CHTF8: variants seen among roughly 807,000 people sequenced by gnomAD.
CHTF8 encodes the protein chromosome transmission fidelity protein 8 homolog.
In CHTF8, 6 loss-of-function variants were observed where a neutral mutation model predicts 11.0. That is an observed-to-expected ratio of 0.55 (90% CI 0.30 to 1.08). CHTF8 has a LOEUF of 1.08. CHTF8 is among the 50% of genes least tolerant of loss of function. CHTF8 has a pLI of 0.07. For synonymous variants in CHTF8, 53 were observed against 60.5 expected (o/e 0.88, Z 0.57); for missense variants, 140 against 153.1 (o/e 0.91, Z 0.45).
intron 1 of CHTF8, chr16:69,131,222 G>A (rs752554661): frequency 6.6e-6 from 1 of 152,118 alleles, no homozygotes; most frequent in African/African-American, 2.4e-5. Flanking sequence ...GTTCAAAAAC[G>A]TGTGTGGATG....
At chr16:69,131,813 C>T (rs1243787242) in intron 1 of CHTF8, among the ~76,000 whole-genome samples, 1 of 151,864 alleles carries the variant, frequency 6.6e-6, no homozygotes, top group Non-Finnish European at 1.5e-5. Flanking sequence ...GTACTCCACT[C>T]CTCCAGGACC....
chr16:69,126,312 A>G (rs1962052532), intron 1 of CHTF8, among the ~76,000 whole-genome samples: 1 of 152,204 alleles, frequency 6.6e-6, no homozygotes, highest in Non-Finnish European at 1.5e-5. Context: ...TGCATTCTCC[A>G]TTTCCTGGAC....
chr16:69,118,190 T>C lies in CHTF8; in HGVS notation c.*2235A>G. The C allele has an allele frequency of 1.6e-6, 1 of 606,090 alleles. No homozygotes were observed. Among genetic ancestry groups the C allele is most frequent in the Non-Finnish European group, 3.0e-6 (1 of 338,098 alleles). The allele number at this position is 606,090 out of a possible 1,614,324, so 37.5% of individuals were successfully genotyped here. A position where few individuals can be genotyped will look rare whatever the true frequency, so the allele number is the denominator to read the frequency against. On this transcript the variant is annotated 3_prime_UTR_variant, in exon 4 of 4. Coordinates refer to ENST00000448552, the MANE Select transcript of CHTF8 (RefSeq NM_001039690.5). ...TTAAATTTTGAGGTTCTTTGATTGATTGGGAGTACCAGTGAAGAGGGAGTT... is the reference window on the plus strand; with the variant it reads ...TTAAATTTTGAGGTTCTTTGATTGACTGGGAGTACCAGTGAAGAGGGAGTT...
At position 69,120,372 on chromosome 16, in the gene CHTF8, C is replaced by G; in HGVS notation, c.*53G>C. Reference sequence around the variant, plus strand: ...CGTCGAGCCGTCCTCGAGGTGGCAGCGGAGCACGAGTCCAAGGAGTTGGCC... The same window carrying G: ...CGTCGAGCCGTCCTCGAGGTGGCAGGGGAGCACGAGTCCAAGGAGTTGGCC... On this transcript the variant is annotated 3_prime_UTR_variant, in exon 4 of 4. Coordinates refer to ENST00000448552, the MANE Select transcript of CHTF8 (RefSeq NM_001039690.5). The surrounding 1 kb of genome is among the most constrained non-coding windows in gnomAD (Gnocchi z 4.0). 1 of 1,570,778 alleles carries G rather than the reference C, an allele frequency of 6.4e-7. No homozygotes were observed.
rs1171044861 is a variant in CHTF8 at position 69,119,168 on chromosome 16, C to T, written c.*1257G>A. On this transcript the variant is annotated 3_prime_UTR_variant, in exon 4 of 4. Transcript: ENST00000448552. Reference sequence around the variant, plus strand: ...CTTGGGAAGGTAGTTGGACTTGGACCCTGCAGGCCAGTGGCCCTTGGGAAG... The same window carrying T: ...CTTGGGAAGGTAGTTGGACTTGGACTCTGCAGGCCAGTGGCCCTTGGGAAG... 5 of 702,912 alleles carry T rather than the reference C, an allele frequency of 7.1e-6. No homozygotes were observed. In the Admixed American group the frequency reaches 1.0e-4, roughly 14 times the overall value. 43.5% of individuals were successfully genotyped at this position (702,912 alleles called of 1,614,324 possible). A position where few individuals can be genotyped will look rare whatever the true frequency, so the allele number is the denominator to read the frequency against.
intron 1 of CHTF8, among the ~76,000 whole-genome samples, chr16:69,123,220 C>A (rs532882963): frequency 6.6e-6 from 1 of 152,284 alleles, no homozygotes; most frequent in South Asian, 2.1e-4. Flanking sequence ...CTGTGCCCAG[C>A]CTAGGGTAGT....
intron 1 of CHTF8, chr16:69,131,552 A>G (rs1285013274): frequency 7.4e-6 from 1 of 135,134 alleles, no homozygotes; most frequent in Non-Finnish European, 1.6e-5. Flanking sequence ...AGCTACAAAC[A>G]CTTCCTATTT....
chr16:69,120,764 C>G lies in CHTF8; in HGVS notation c.142-115G>C. On this transcript the variant is annotated intron_variant, in intron 3 of 3. Transcript: ENST00000448552. This position sits in a 1 kb window ranked among gnomAD's most constrained non-coding sequence, Gnocchi z 4.0. ...CTGGCACCTCCAATCCCTGGTCTGG[C>G]TCTGCCATTGTTGAGCAGCCACACT... 1 of 934,200 alleles carries G rather than the reference C, an allele frequency of 1.1e-6. No individual in the cohort carries two copies. The highest frequency in any genetic ancestry group is 1.7e-6 in the Non-Finnish European group (1 of 604,288). 57.9% of individuals were successfully genotyped at this position (934,200 alleles called of 1,614,324 possible). A position where few individuals can be genotyped will look rare whatever the true frequency, so the allele number is the denominator to read the frequency against.
rs1259306125 is a variant in CHTF8, at chr16:69,120,661, C to T, written c.142-12G>A. On this transcript the variant is annotated splice_polypyrimidine_tract_variant and intron_variant, in intron 3 of 3. Transcript: ENST00000448552. The surrounding 1 kb of genome is among the most constrained non-coding windows in gnomAD (Gnocchi z 4.0). Reference sequence around the variant, plus strand: ...AGCACAGGGATTCCCTTTGGCAGAACAAGAACGAGATTCCTGAGGTTCCGG... The same window carrying T: ...AGCACAGGGATTCCCTTTGGCAGAATAAGAACGAGATTCCTGAGGTTCCGG... The T allele has an allele frequency of 1.9e-6, 3 of 1,600,852 alleles. No homozygotes were observed. The highest frequency in any genetic ancestry group is 2.6e-6 in the Non-Finnish European group (3 of 1,169,882).
At position 69,121,146 on chromosome 16, in the gene CHTF8, T is replaced by C. The variant is rs1961624136; in HGVS notation, c.48A>G (p.Glu16=). 6.2e-7 allele frequency: 1 copy of C among 1,613,184 alleles called. No homozygotes were observed. Among genetic ancestry groups the C allele is most frequent in the South Asian group, 1.1e-5 (1 of 91,048 alleles). The stretch of plus-strand genomic sequence containing the variant: ...CCCCCTGTAGCTCCATCAGCACCCA[T>C]TCTGCCAGGCCTCCAGCCCTCGCAC... ...ISSARAGGLA[E]WVLMELQGEI... is the part of the protein sequence containing the mutation. The change falls in exon 3 of 4, where the codon GAA becomes GAG. Residue 16 remains glutamate, a synonymous_variant. Transcript: ENST00000448552.
chr16:69,124,252 G>T (rs1039241009), intron 1 of CHTF8, among the ~76,000 whole-genome samples: 6 of 152,130 alleles, frequency 3.9e-5, no homozygotes. Context: ...GATTCATGGG[G>T]GGCTGATAGG....
In CHTF8 at chr16:69,120,052, C is replaced by G; in HGVS notation, c.*373G>C. On this transcript the variant is annotated 3_prime_UTR_variant, in exon 4 of 4. Coordinates refer to ENST00000448552, the MANE Select transcript of CHTF8 (RefSeq NM_001039690.5). The surrounding 1 kb of genome is among the most constrained non-coding windows in gnomAD (Gnocchi z 4.0). Reference sequence around the variant, plus strand: ...CCCTGTCCTAGGGTTTAGGGTGGGGCCTGGGCCTGGGCCTGGCCCCAAGAG... The same window carrying G: ...CCCTGTCCTAGGGTTTAGGGTGGGGGCTGGGCCTGGGCCTGGCCCCAAGAG... 1.5e-6 allele frequency: 1 copy of G among 687,202 alleles called. No homozygotes were observed. The highest frequency in any genetic ancestry group is 1.5e-5 in the South Asian group (1 of 66,038). 42.6% of individuals were successfully genotyped at this position (687,202 alleles called of 1,614,324 possible). A position where few individuals can be genotyped will look rare whatever the true frequency, so the allele number is the denominator to read the frequency against.
At chr16:69,121,629 C>T in intron 1 of CHTF8, 136 bp from the exon 2 acceptor site, 1 of 552,654 alleles carries the variant, frequency 1.8e-6, no homozygotes, top group Non-Finnish European at 3.3e-6. Context: ...AGGCACCCAC[C>T]ACTATGGCCA....
chr16:69,131,035 G>A (rs1432684498), intron 1 of CHTF8, among the ~76,000 whole-genome samples: 3 of 152,124 alleles, frequency 2.0e-5, no homozygotes, highest in Non-Finnish European at 4.4e-5. Context: ...GTGTTATCGT[G>A]GTTTTGTAAC....
rs78443604 is a variant in CHTF8 at position 69,126,954 on chromosome 16, A to G, written c.-35-5461T>C. 4.4e-3 allele frequency among the ~76,000 whole-genome samples: 664 copies of G among 152,272 alleles called. 24 individuals are homozygous for G. The South Asian group carries it at 0.083, about 19-fold the overall frequency. ...TTTCATTCAGTGTAGAATTGATTAAAAAGTGTATGAGGCCGGGCGCGGTGG... is the reference window on the plus strand; with the variant it reads ...TTTCATTCAGTGTAGAATTGATTAAGAAGTGTATGAGGCCGGGCGCGGTGG... On this transcript the variant is annotated intron_variant, in intron 1 of 3. Transcript: ENST00000448552.
chr16:69,121,709 C>T (rs569928405), intron 1 of CHTF8, among the ~76,000 whole-genome samples: 3 of 151,396 alleles, frequency 2.0e-5, no homozygotes, highest in Non-Finnish European at 2.9e-5. Context: ...ACTCTGTCAC[C>T]CAGGTTGGAG....
At chr16:69,126,074 C>T (rs746953143) in intron 1 of CHTF8, among the ~76,000 whole-genome samples, 1 of 152,124 alleles carries the variant, frequency 6.6e-6, no homozygotes, top group Non-Finnish European at 1.5e-5. Context: ...AGAGAAGGGG[C>T]TCTTGCAAAT....
chr16:69,123,882 G>A (rs2152268885), intron 1 of CHTF8, among the ~76,000 whole-genome samples: 1 of 142,922 alleles, frequency 7.0e-6, no homozygotes, highest in African/African-American at 2.6e-5. Flanking sequence ...GAGGTCAGGA[G>A]TTTGAGACCA....
chr16:69,121,961 G>A (rs535280915), intron 1 of CHTF8, among the ~76,000 whole-genome samples: 122 of 151,684 alleles, frequency 8.0e-4, no homozygotes, highest in Non-Finnish European at 1.4e-3. Flanking sequence ...GAGCCACCGC[G>A]CCCGGCCCTA....
Sources: allele counts gnomAD v4.1 joint callset (sites outside exome capture counted in the v4.1 genomes callset), GRCh38; gene constraint gnomAD v4.1.1; non-coding constraint Gnocchi (gnomAD v3.1); transcripts MANE v1.5; gene names NCBI Gene and HGNC (gene_info 2026-07-23, HGNC 2026-07-21).